Variants in EPB41L2 observed in about 807,000 individuals in gnomAD.
EPB41L2 encodes the protein erythrocyte membrane protein band 4.1 like 2, also known as band 4.1-like protein 2.
EPB41L2 carries 43 observed loss-of-function variants against 113.0 expected under a neutral mutation model. The ratio of observed to expected loss-of-function variants is 0.38; its 90% confidence interval spans 0.30 to 0.49. The LOEUF is 0.49. Ranked by LOEUF, EPB41L2 falls within the 20% of genes least tolerant of loss-of-function variation. The pLI is 0.95. For missense variants in EPB41L2, 1,147 were observed against 1,223.4 expected, an observed-to-expected ratio of 0.94 and a Z score of 0.93; for synonymous variants, 442 against 436.7, an observed-to-expected ratio of 1.01 and a Z score of -0.15.
rs1487170716 is a variant in EPB41L2 at position 130,955,248 on chromosome 6, C to T, written c.562G>A (p.Gly188Arg). Residue 188 changes from glycine (G) to arginine (R), a missense_variant, in exon 3 of 20, where the codon GGA (glycine) becomes AGA (arginine). By Grantham distance (125) the Gly-to-Arg change is moderately radical. Coordinates refer to ENST00000337057, the MANE Select transcript of EPB41L2 (RefSeq NM_001431.4). The part of the protein sequence containing the change: ...KETQEDKLEG[G>R]AAKRETKEVQ... Reference sequence around the variant, plus strand: ...TCCTTGGTCTCCCTTTTTGCTGCTCCTCCTTCTAATTTGTCTTCCTGTGTT... The same window carrying T: ...TCCTTGGTCTCCCTTTTTGCTGCTCTTCCTTCTAATTTGTCTTCCTGTGTT... The T allele has an allele frequency of 1.2e-6, 2 of 1,613,954 alleles. No homozygotes were observed. The highest frequency in any genetic ancestry group is 1.7e-5 in the Admixed American group (1 of 59,994).
At position 130,869,829 on chromosome 6, in the gene EPB41L2, G is replaced by A. The variant is rs1373834935; in HGVS notation, c.2341C>T (p.Pro781Ser). 7.4e-6 allele frequency: 12 copies of A among 1,613,706 alleles called. 1 individual carries two copies. The African/African-American group carries it at 1.5e-4, about 20-fold the overall frequency. Reference protein sequence around the residue: ...QEYEEEVEEEPRPAAKVVERE... With the variant: ...QEYEEEVEEESRPAAKVVERE... Reference sequence around the variant, plus strand: ...TCTACTACCTTGGCTGCCGGGCGGGGTTCTTCCTCCACCTCTTCTTCATAC... The same window carrying A: ...TCTACTACCTTGGCTGCCGGGCGGGATTCTTCCTCCACCTCTTCTTCATAC... The change falls in exon 15 of 20, where the codon CCC becomes TCC. Residue 781 changes from proline to serine, a missense_variant. Pro to Ser is a moderately conservative substitution (Grantham distance 74). Transcript: ENST00000337057.
At chr6:130,911,424 C>T (rs550866968) in intron 4 of EPB41L2, among the ~76,000 whole-genome samples, 15 of 151,988 alleles carry the variant, frequency 9.9e-5, no homozygotes, top group Middle Eastern at 3.4e-3. Context: ...ATGTAGATGA[C>T]GGGGGTTGAT....
chr6:130,875,417 A>G (rs1237014576), intron 14 of EPB41L2, among the ~76,000 whole-genome samples: 1 of 152,154 alleles, frequency 6.6e-6, no homozygotes, highest in East Asian at 1.9e-4. Flanking sequence ...AGATCGTGAC[A>G]TGACCTAGGG....
At chr6:131,043,813 C>T (rs958084889) in intron 1 of EPB41L2, among the ~76,000 whole-genome samples, 49 of 151,892 alleles carry the variant, frequency 3.2e-4, no homozygotes, top group African/African-American at 1.1e-3. Context: ...TTTATAGATA[C>T]GTAGTGAAGT....
intron 18 of EPB41L2, among the ~76,000 whole-genome samples, chr6:130,862,797 T>C (rs1187613234): frequency 6.6e-6 from 1 of 152,220 alleles, no homozygotes; most frequent in Admixed American, 6.5e-5. Context: ...ATGAGGAATT[T>C]TGTTCTCTAA....
intron 1 of EPB41L2, among the ~76,000 whole-genome samples, chr6:131,057,898 C>A (rs1460794417): frequency 6.6e-6 from 1 of 152,150 alleles, no homozygotes; most frequent in Non-Finnish European, 1.5e-5. Context: ...CTTTCCATGC[C>A]TCCTAACCTG....
In EPB41L2 at chr6:130,954,036, CTTTCTTTTTTT is replaced by C. The variant is rs1422820772; in HGVS notation, c.705+1058_705+1068del. Among the ~76,000 whole-genome samples the C allele has an allele frequency of 5.5e-3, 251 of 45,508 alleles. 2 individuals carry two copies. Among genetic ancestry groups the C allele is most frequent in the African/African-American group, 0.013 (224 of 17,166 alleles). 29.9% of individuals were successfully genotyped at this position (45,508 alleles called of 152,430 possible). A position where few individuals can be genotyped will look rare whatever the true frequency, so the allele number is the denominator to read the frequency against. ...TTAATCCTCTTTTGCTAGTCCTTTT[CTTTCTTTTTTT>C]TTTTTTTTTTTTTTTTTTTTTTTGA... On this transcript the variant is annotated intron_variant, in intron 3 of 19. Coordinates refer to ENST00000337057, the MANE Select transcript of EPB41L2 (RefSeq NM_001431.4).
chr6:131,004,712 G>A (rs1255485885), intron 1 of EPB41L2, among the ~76,000 whole-genome samples: 1 of 152,114 alleles, frequency 6.6e-6, no homozygotes, highest in African/African-American at 2.4e-5. Context: ...AGGAGATGGG[G>A]TGTGAACTCT....
chr6:130,917,773 C>A (rs192161343), intron 4 of EPB41L2, among the ~76,000 whole-genome samples: 158 of 152,154 alleles, frequency 1.0e-3, no homozygotes, highest in Admixed American at 5.8e-3. Context: ...CCTTTCCCCC[C>A]AAAAAAATCT....
In EPB41L2 at chr6:130,955,166, GTCT is replaced by G; in HGVS notation, c.641_643del (p.Lys214del). 1.9e-6 allele frequency: 3 copies of G among 1,614,134 alleles called. No homozygotes were observed. The highest frequency in any genetic ancestry group is 2.5e-6 in the Non-Finnish European group (3 of 1,180,024). On this transcript the variant is annotated inframe_deletion, in exon 3 of 20. Coordinates refer to ENST00000337057, the MANE Select transcript of EPB41L2 (RefSeq NM_001431.4). ...GGTCACTTTACACTGGACAGTTTTG[GTCT>G]TCTTGGTGACTTTTTGAGATGCCTT... is the stretch of plus-strand genomic sequence containing the variant.
chr6:130,851,231 A>G (rs1778687569), intron 19 of EPB41L2, among the ~76,000 whole-genome samples: 1 of 152,224 alleles, frequency 6.6e-6, no homozygotes, highest in African/African-American at 2.4e-5. Flanking sequence ...GTGGCTCATG[A>G]TTAGCTAGAG....
intron 4 of EPB41L2, among the ~76,000 whole-genome samples, chr6:130,914,654 G>A (rs1800396394): frequency 6.6e-6 from 1 of 152,194 alleles, no homozygotes; most frequent in Non-Finnish European, 1.5e-5. Flanking sequence ...GATCAGGCAA[G>A]ACAGGGATCT....
At chr6:130,956,563 C>T (rs13199082) in intron 1 of EPB41L2, 64 bp from the exon 2 acceptor site, 36,970 of 1,429,720 alleles carry the variant, frequency 0.026, 549 homozygotes, top group South Asian at 0.053. Flanking sequence ...AGTTTGGTTG[C>T]GAGGGGCATG....
chr6:131,023,744 T>TAG (rs1790111302), intron 1 of EPB41L2, among the ~76,000 whole-genome samples: 1 of 100,996 alleles, frequency 9.9e-6, no homozygotes, highest in African/African-American at 3.0e-5. Flanking sequence ...TATATCTATA[T>TAG]ATCTATATAT....
intron 11 of EPB41L2, 130 bp from the exon 12 acceptor site, chr6:130,885,398 C>T (rs764735643): frequency 5.7e-5 from 44 of 767,516 alleles, no homozygotes; most frequent in Admixed American, 8.1e-5. Context: ...ATTGCTTGAG[C>T]TCTGAAAATA....
chr6:130,926,095 T>C (rs1222374596), intron 4 of EPB41L2, among the ~76,000 whole-genome samples: 1 of 152,188 alleles, frequency 6.6e-6, no homozygotes, highest in African/African-American at 2.4e-5. Context: ...TGGAGAGTAA[T>C]CCCTTTCACT....
intron 3 of EPB41L2, among the ~76,000 whole-genome samples, chr6:130,952,399 AG>A (rs1300098490): frequency 8.7e-6 from 1 of 115,450 alleles, no homozygotes; most frequent in Non-Finnish European, 2.1e-5. Flanking sequence ...GTGACTCAGG[AG>A]GGGAATAAAC....
chr6:130,953,884 T>C (rs936635648), intron 3 of EPB41L2, among the ~76,000 whole-genome samples: 1 of 152,008 alleles, frequency 6.6e-6, no homozygotes, highest in Non-Finnish European at 1.5e-5. Flanking sequence ...CCAAATTTTC[T>C]GGTGCCTTGA....
chr6:130,962,646 G>A (rs991064545), intron 1 of EPB41L2, among the ~76,000 whole-genome samples: 5 of 152,002 alleles, frequency 3.3e-5, no homozygotes, highest in Admixed American at 6.6e-5. Flanking sequence ...ACTAATATCC[G>A]GTTTAAATTA....
Sources: gnomAD v4.1 joint callset for allele counts (sites outside exome capture counted in the v4.1 genomes callset) on GRCh38, gnomAD v4.1.1 for gene constraint, MANE v1.5 for transcripts, NCBI Gene and HGNC (gene_info 2026-07-23, HGNC 2026-07-21) for gene names.